HIVEP3: variants seen among roughly 807,000 people sequenced by gnomAD.
The protein encoded by HIVEP3 is HIVEP zinc finger 3, also known as transcription factor HIVEP3.
Under a neutral mutation model 152.8 loss-of-function variants are expected in HIVEP3, and 49 were observed. The observed-to-expected ratio is 0.32, with a 90% CI of 0.26 to 0.41. The LOEUF (loss-of-function observed/expected upper bound fraction) is 0.41, where lower values mean the gene tolerates loss of function less well. HIVEP3 is among the 10% of genes least tolerant of loss of function. The probability of loss-of-function intolerance (pLI) is 1.00; values close to 1 mark genes in which losing one functional copy is unlikely to be tolerated. For synonymous variants in HIVEP3, 1,269 were observed against 1,289.0 expected, an observed-to-expected ratio of 0.98 and a Z score of 0.33; for missense variants, 2,790 against 3,103.3, an observed-to-expected ratio of 0.90 and a Z score of 2.40.
intron 1 of HIVEP3, among the ~76,000 whole-genome samples, chr1:41,869,839 AT>A (rs1644047644): frequency 6.6e-6 from 1 of 152,168 alleles, no homozygotes; most frequent in Non-Finnish European, 1.5e-5. Flanking sequence ...AATAAAGAAA[AT>A]TTTTGTAGAA....
chr1:41,838,593 A>G (rs1643196170), intron 1 of HIVEP3, among the ~76,000 whole-genome samples: 1 of 152,158 alleles, frequency 6.6e-6, no homozygotes, highest in South Asian at 2.1e-4. Context: ...TAATTCATCA[A>G]GAACATTTCA....
intron 2 of HIVEP3, among the ~76,000 whole-genome samples, chr1:41,660,153 G>A (rs1244034086): frequency 6.6e-6 from 1 of 152,180 alleles, no homozygotes; most frequent in Non-Finnish European, 1.5e-5. Flanking sequence ...GTGTGTACAA[G>A]TGGGTGTTTG....
At chr1:41,651,713 T>C (rs1054271021) in intron 2 of HIVEP3, among the ~76,000 whole-genome samples, 2 of 152,254 alleles carry the variant, frequency 1.3e-5, no homozygotes, top group Non-Finnish European at 2.9e-5. Context: ...TTTTCATTGA[T>C]ACCAATTTAG....
At chr1:41,829,859 G>A (rs1002372712) in intron 1 of HIVEP3, among the ~76,000 whole-genome samples, 3 of 150,770 alleles carry the variant, frequency 2.0e-5, no homozygotes, top group Non-Finnish European at 2.9e-5. Context: ...CCTGTAAAGC[G>A]GAAAGATCTG....
chr1:41,577,874 A>G (rs1644349737), intron 4 of HIVEP3, among the ~76,000 whole-genome samples: 2 of 152,226 alleles, frequency 1.3e-5, no homozygotes, highest in Non-Finnish European at 2.9e-5. Context: ...GCCATAGACC[A>G]TGTGGTTATA....
At chr1:41,839,351 C>T (rs180954143) in intron 1 of HIVEP3, among the ~76,000 whole-genome samples, 2 of 152,284 alleles carry the variant, frequency 1.3e-5, no homozygotes, top group South Asian at 2.1e-4. Flanking sequence ...ACCATTGTCC[C>T]GATGATTGCT....
intron 1 of HIVEP3, among the ~76,000 whole-genome samples, chr1:41,980,367 G>C (rs1325000321): frequency 6.6e-6 from 1 of 152,210 alleles, no homozygotes; most frequent in African/African-American, 2.4e-5. Context: ...ATAGAATACA[G>C]TAGGTAGTAT....
rs139529152 is a variant in HIVEP3 at position 41,622,649 on chromosome 1, G to T, written c.-522+6100C>A. ...TACTATCTGGCCATTCAGAGCAAAA[G>T]AATGCTCATTCCTGCCATAGACGCT... On this transcript the variant is annotated intron_variant, in intron 3 of 8. Coordinates refer to ENST00000372583, the MANE Select transcript of HIVEP3 (RefSeq NM_024503.5). Among the ~76,000 whole-genome samples the T allele has an allele frequency of 1.7e-3, 266 of 152,326 alleles. 1 individual carries two copies. Among genetic ancestry groups the T allele is most frequent in the African/African-American group, 6.1e-3 (255 of 41,562 alleles).
chr1:41,693,401 C>A lies in HIVEP3; in HGVS notation c.-721+7515G>T, dbSNP rs140037102. Among the ~76,000 whole-genome samples the A allele has an allele frequency of 6.1e-3, 924 of 152,284 alleles. 13 individuals carry two copies. Among genetic ancestry groups the A allele is most frequent in the African/African-American group, 0.021 (891 of 41,560 alleles). ...AGGACACTTTGATTGTTTAATGTGT[C>A]TCCTTTGCCCCTGGGTGATGACTCT... On this transcript the variant is annotated intron_variant, in intron 2 of 8. Transcript: ENST00000372583.
chr1:41,795,127 T>C (rs1381982303), intron 1 of HIVEP3, among the ~76,000 whole-genome samples: 1 of 152,228 alleles, frequency 6.6e-6, no homozygotes, highest in Non-Finnish European at 1.5e-5. Context: ...TCACCAATGT[T>C]TTCTTGACTG....
chr1:41,581,804 G>A lies in HIVEP3; in HGVS notation c.2994C>T (p.Asn998=), dbSNP rs759868789. Residue 998 remains asparagine (N), a synonymous_variant, in exon 4 of 9, where the codon AAC becomes AAT. Coordinates refer to ENST00000372583, the MANE Select transcript of HIVEP3 (RefSeq NM_024503.5). This position sits in a 1 kb window ranked among gnomAD's most constrained non-coding sequence, Gnocchi z 4.5. ...MRRSASEQSP[N]VSHSAHMTET... ...CGGTCATGTGGGCAGAATGGGAAAC[G>A]TTGGGGCTCTGCTCTGAGGCTGACC... The A allele has an allele frequency of 7.6e-6, 12 of 1,587,404 alleles. No homozygotes were observed. Among genetic ancestry groups the A allele is most frequent in the East Asian group, 6.7e-5 (3 of 44,682 alleles).
chr1:41,859,372 C>T lies in HIVEP3; in HGVS notation c.-801+59041G>A, dbSNP rs973392673. Among the ~76,000 whole-genome samples the T allele has an allele frequency of 3.3e-5, 5 of 152,150 alleles. No homozygotes were observed. In the South Asian group the frequency reaches 6.2e-4, roughly 19 times the overall value. On this transcript the variant is annotated intron_variant, in intron 1 of 8. Transcript: ENST00000372583. ...GGCTAAATATTAAAAAATAGATTTT[C>T]GTAAACAATTTTTTCTAATTATAAA...
At chr1:41,773,554 A>T (rs556596243) in intron 1 of HIVEP3, among the ~76,000 whole-genome samples, 7 of 152,304 alleles carry the variant, frequency 4.6e-5, no homozygotes, top group Middle Eastern at 3.4e-3. Context: ...GGCCTCCAAG[A>T]TGCTGTTTTG....
Position 41,583,999 on chromosome 1 carries a change from G to A in HIVEP3, c.799C>T (p.Arg267Trp), listed in dbSNP as rs984979732. 5.0e-6 allele frequency: 8 copies of A among 1,614,132 alleles called. No individual in the cohort carries two copies. Among genetic ancestry groups the A allele is most frequent in the African/African-American group, 2.7e-5 (2 of 75,040 alleles). ...TCCTCAAACTCTTCCCCAGGGATCC[G>A]CTCCATCTCCAGCCCATGTGGGTAC... Reference protein sequence around the residue: ...EMYPHGLEMERIPGEEFEEPT... With the variant: ...EMYPHGLEMEWIPGEEFEEPT... Residue 267 changes from arginine to tryptophan, a missense_variant, in exon 4 of 9, where the codon CGG (arginine) becomes TGG (tryptophan). Physicochemically the swap from Arg to Trp is moderately radical, Grantham distance 101. Coordinates refer to ENST00000372583, the MANE Select transcript of HIVEP3 (RefSeq NM_024503.5). The surrounding 1 kb of genome is among the most constrained non-coding windows in gnomAD (Gnocchi z 6.9).
At chr1:41,889,471 ACCCCCTTCT>A (rs751663468) in intron 1 of HIVEP3, among the ~76,000 whole-genome samples, 21 of 151,568 alleles carry the variant, frequency 1.4e-4, no homozygotes, top group Non-Finnish European at 2.2e-4. Context: ...GAAGGGCAGC[ACCCCCTTCT>A]CCTTGGGACT....
In HIVEP3 at chr1:41,510,411, T is replaced by C; in HGVS notation, c.*40A>G. On this transcript the variant is annotated 3_prime_UTR_variant, in exon 9 of 9. Transcript: ENST00000372583. ...GAAAGTGGCTGGAAACGTCTGTTGC[T>C]GGACACTGGAAGCCAGATGCTGAAG... 2.1e-6 allele frequency: 3 copies of C among 1,424,100 alleles called. No individual in the cohort carries two copies. Among genetic ancestry groups the C allele is most frequent in the Non-Finnish European group, 2.8e-6 (3 of 1,084,082 alleles). The allele number at this position is 1,424,100 out of a possible 1,614,324, so 88.2% of individuals were successfully genotyped here.
intron 2 of HIVEP3, 54 bp from the exon 3 acceptor site, chr1:41,629,001 T>C (rs1307433355): frequency 8.3e-7 from 1 of 1,200,722 alleles, no homozygotes; most frequent in African/African-American, 1.6e-5. Flanking sequence ...TCAACTTTTT[T>C]AGACACAGAA....
chr1:41,666,300 C>A (rs1361315502), intron 2 of HIVEP3, among the ~76,000 whole-genome samples: 1 of 152,206 alleles, frequency 6.6e-6, no homozygotes, highest in Non-Finnish European at 1.5e-5. Context: ...CCCATCCTTT[C>A]TCTCCAGCCT....
chr1:41,870,015 A>G (rs1180281607), intron 1 of HIVEP3, among the ~76,000 whole-genome samples: 3 of 152,220 alleles, frequency 2.0e-5, no homozygotes, highest in Non-Finnish European at 2.9e-5. Context: ...ATGTCTAAAC[A>G]GATTTGAAAC....
Sources: allele counts gnomAD v4.1 joint callset (sites outside exome capture counted in the v4.1 genomes callset), GRCh38; gene constraint gnomAD v4.1.1; non-coding constraint Gnocchi (gnomAD v3.1); transcripts MANE v1.5; gene names NCBI Gene and HGNC (gene_info 2026-07-23, HGNC 2026-07-21).